Variants in PCDHA1 observed in about 807,000 individuals in gnomAD.
PCDHA1 encodes protocadherin alpha 1, also known as protocadherin alpha-1.
In PCDHA1, 42 loss-of-function variants were observed where a neutral mutation model predicts 61.3. The observed-to-expected ratio is 0.69, with a 90% confidence interval of 0.54 to 0.89. The LOEUF (loss-of-function observed/expected upper bound fraction) is 0.89, where lower values mean the gene tolerates loss of function less well. Ranked by LOEUF, PCDHA1 falls within the 40% of genes least tolerant of loss-of-function variation. The pLI is 0.00. For synonymous variants in PCDHA1, 610 were observed against 553.8 expected (o/e 1.10, Z -1.43); for missense variants, 1,256 against 1,235.3 (o/e 1.02, Z -0.25).
chr5:140,973,653 A>G (rs2096597249), intron 1 of PCDHA1, among the ~76,000 whole-genome samples: 1 of 152,202 alleles, frequency 6.6e-6, no homozygotes, highest in African/African-American at 2.4e-5. Context: ...TGAAGAAGAA[A>G]TCTATTTATT....
At chr5:140,834,970 T>A (rs2150229489) in intron 1 of PCDHA1, 1 of 1,502,862 alleles carries the variant, frequency 6.7e-7, no homozygotes, top group Non-Finnish European at 9.0e-7. Context: ...GGACTTGTAT[T>A]ACGGAAACTT....
At chr5:140,979,564 A>G (rs1267870261) in intron 2 of PCDHA1, among the ~76,000 whole-genome samples, 2 of 152,222 alleles carry the variant, frequency 1.3e-5, no homozygotes, top group Non-Finnish European at 2.9e-5. Context: ...AAGATGAGCC[A>G]TGTAAAGGGC....
In PCDHA1 at chr5:140,915,626, GTCTCTCTC is replaced by G. The variant is rs57920489; in HGVS notation, c.2395-63300_2395-63293del. ...ACTTTCTGTCAAACAGTCTCTTTCT[GTCTCTCTC>G]TCTCTCTCTCTCTCTCTCTCTCAAG... is the stretch of plus-strand genomic sequence containing the variant. On this transcript the variant is annotated intron_variant, in intron 1 of 3. Transcript: ENST00000504120. Among the ~76,000 whole-genome samples, 662 of 146,534 alleles carry G rather than the reference GTCTCTCTC, an allele frequency of 4.5e-3. 3 individuals are homozygous for G. The highest frequency in any genetic ancestry group is 0.016 in the African/African-American group (641 of 39,750).
intron 1 of PCDHA1, chr5:140,822,891 C>T: frequency 6.2e-7 from 1 of 1,614,226 alleles, no homozygotes; most frequent in South Asian, 1.1e-5. Context: ...CTCTGATCAG[C>T]GTGTCTGACC....
intron 1 of PCDHA1, chr5:140,850,986 T>C (rs2041915451): frequency 6.9e-7 from 1 of 1,450,124 alleles, no homozygotes; most frequent in South Asian, 1.6e-5. Context: ...TTTATTCATT[T>C]TTCTAGAAAT....
chr5:140,820,470 G>A (rs1260477668), intron 1 of PCDHA1, among the ~76,000 whole-genome samples: 2 of 151,808 alleles, frequency 1.3e-5, no homozygotes, highest in African/African-American at 4.8e-5. Flanking sequence ...CACAGGTAAG[G>A]GATATTTTGT....
At chr5:140,863,008 T>A (rs782045594) in intron 1 of PCDHA1, 1 of 551,826 alleles carries the variant, frequency 1.8e-6, no homozygotes, top group Non-Finnish European at 3.6e-6. Context: ...ACTCCAGCTA[T>A]GACGCCTGGT....
intron 1 of PCDHA1, chr5:140,828,357 G>C: frequency 1.2e-6 from 2 of 1,614,242 alleles, no homozygotes; most frequent in Non-Finnish European, 1.7e-6. Context: ...GTGAATTCTC[G>C]GATCGACCGC....
chr5:140,966,022 T>G (rs2095958244), intron 1 of PCDHA1, among the ~76,000 whole-genome samples: 1 of 151,842 alleles, frequency 6.6e-6, no homozygotes, highest in South Asian at 2.1e-4. Flanking sequence ...GATGTGGGAG[T>G]CAGGTGAATA....
chr5:141,009,720 C>G lies in PCDHA1; in HGVS notation c.2636C>G (p.Ser879Cys), dbSNP rs782119637. ...FKYGPGNPKQ[S>C]GPGELPDKFI... ...TACGGACCAGGCAACCCCAAACAAT[C>G]CGGTCCCGGTGAGTTGCCCGACAAA... The change falls in exon 4 of 4, where the codon TCC (serine) becomes TGC (cysteine). Residue 879 changes from serine to cysteine, a missense_variant. Transcript: ENST00000504120. 1 of 1,614,180 alleles carries G rather than the reference C, an allele frequency of 6.2e-7. No individual in the cohort carries two copies. The highest frequency in any genetic ancestry group is 2.2e-5 in the East Asian group (1 of 44,872).
intron 1 of PCDHA1, among the ~76,000 whole-genome samples, chr5:140,973,646 A>C (rs1413605589): frequency 1.3e-5 from 2 of 152,216 alleles, no homozygotes; most frequent in African/African-American, 4.8e-5. Flanking sequence ...TTCTGACTGA[A>C]GAAGAAATCT....
At chr5:140,862,588 G>A in intron 1 of PCDHA1, 1 of 501,458 alleles carries the variant, frequency 2.0e-6, no homozygotes, top group Non-Finnish European at 4.1e-6. Context: ...CCAGCAGCCC[G>A]AGTACATGGT....
At chr5:140,906,891 T>C (rs2073026399) in intron 1 of PCDHA1, among the ~76,000 whole-genome samples, 1 of 152,152 alleles carries the variant, frequency 6.6e-6, no homozygotes, top group South Asian at 2.1e-4. Context: ...CCTTCTTAGA[T>C]TGTTGGTTTA....
At chr5:140,802,033 A>C in intron 1 of PCDHA1, 4 of 1,614,214 alleles carry the variant, frequency 2.5e-6, no homozygotes, top group Non-Finnish European at 3.4e-6. Flanking sequence ...GATATCGCGT[A>C]TTCTTTCAAT....
intron 1 of PCDHA1, chr5:140,803,006 C>T: frequency 6.2e-7 from 1 of 1,614,028 alleles, no homozygotes; most frequent in Non-Finnish European, 8.5e-7. Flanking sequence ...ACTCAGGCTA[C>T]AACGCGTGGC....
intron 1 of PCDHA1, chr5:140,875,642 C>A: frequency 6.2e-7 from 1 of 1,613,606 alleles, no homozygotes; most frequent in Non-Finnish European, 8.5e-7. Flanking sequence ...CTGGAGCTGG[C>A]GGAGCTGGTG....
At chr5:140,864,300 T>C (rs889692315) in intron 1 of PCDHA1, 9 of 152,214 alleles carry the variant, frequency 5.9e-5, no homozygotes, top group Non-Finnish European at 1.2e-4. Flanking sequence ...TATTCAAAAA[T>C]ACCATGACAA....
intron 1 of PCDHA1, among the ~76,000 whole-genome samples, chr5:140,798,377 A>C (rs1554120657): frequency 6.6e-6 from 1 of 152,220 alleles, no homozygotes; most frequent in African/African-American, 2.4e-5. Context: ...AAAAATAGAG[A>C]GTATTGAGAA....
chr5:140,859,875 T>G (rs1554152798), intron 1 of PCDHA1: 1 of 152,066 alleles, frequency 6.6e-6, no homozygotes, highest in East Asian at 1.9e-4. Flanking sequence ...CTTCCCCCTC[T>G]GATATTTTGA....
Sources: gnomAD v4.1 joint callset for allele counts (sites outside exome capture counted in the v4.1 genomes callset) on GRCh38, gnomAD v4.1.1 for gene constraint, MANE v1.5 for transcripts, NCBI Gene and HGNC (gene_info 2026-07-23, HGNC 2026-07-21) for gene names.